FAM228B: variants seen among roughly 807,000 people sequenced by gnomAD.
The protein encoded by FAM228B is protein FAM228B.
FAM228B carries 38 observed loss-of-function variants against 42.6 expected under a neutral mutation model. The observed-to-expected ratio is 0.89, with a 90% CI of 0.69 to 1.17. The LOEUF is 1.17. Ranked by LOEUF, FAM228B falls within the 50% of genes most tolerant of loss-of-function variation. FAM228B has a pLI of 0.00. For synonymous variants in FAM228B, 109 were observed against 122.3 expected, an observed-to-expected ratio of 0.89 and a Z score of 0.72; for missense variants, 344 against 367.3, an observed-to-expected ratio of 0.94 and a Z score of 0.52.
upstream of FAM228B, among the ~76,000 whole-genome samples, chr2:24,122,147 C>T (rs1037647069): frequency 6.6e-6 from 1 of 152,082 alleles, no homozygotes; most frequent in Non-Finnish European, 1.5e-5. Context: ...GCCTGACCAA[C>T]ATGGTAAAAC....
intron 7 of FAM228B, among the ~76,000 whole-genome samples, chr2:24,153,456 T>C (rs1667066602): frequency 6.6e-6 from 1 of 152,172 alleles, no homozygotes; most frequent in Admixed American, 6.5e-5. Context: ...GCAGATTCCC[T>C]TTTGGCCCAG....
rs191041771 is a variant in FAM228B, at chr2:24,145,940, C to T, written c.442-808C>T. ...TCCTGACCTTGTCATCCGCCTGCCT[C>T]GGCCTCCCAAAGTGCTGGGATTACA... On this transcript the variant is annotated intron_variant, in intron 5 of 10. Transcript: ENST00000615575. Among the ~76,000 whole-genome samples, 1,069 of 152,250 alleles carry T rather than the reference C, an allele frequency of 7.0e-3. 8 individuals are homozygous for T. Among genetic ancestry groups the T allele is most frequent in the African/African-American group, 0.025 (1,028 of 41,544 alleles).
intron 2 of FAM228B, among the ~76,000 whole-genome samples, chr2:24,133,154 T>TA (rs1440875696): frequency 2.6e-5 from 4 of 152,268 alleles, no homozygotes; most frequent in Non-Finnish European, 5.9e-5. Context: ...GGCAAGTTAA[T>TA]AAAAAACTGG....
At chr2:24,086,800 T>TA (rs1422702092) in intron 2 of FAM228B, among the ~76,000 whole-genome samples, 4 of 152,174 alleles carry the variant, frequency 2.6e-5, no homozygotes, top group African/African-American at 9.7e-5. Context: ...TGAGGATGTA[T>TA]AAGGATTCAG....
At chr2:24,114,641 G>A (rs1231969122) in intron 3 of FAM228B, among the ~76,000 whole-genome samples, 3 of 152,076 alleles carry the variant, frequency 2.0e-5, no homozygotes, top group South Asian at 2.1e-4. Context: ...TTAAGTAGTC[G>A]AAGGTGGTCT....
intron 7 of FAM228B, among the ~76,000 whole-genome samples, chr2:24,154,158 G>A (rs116638898): frequency 1.3e-5 from 2 of 152,194 alleles, no homozygotes; most frequent in East Asian, 1.9e-4. Context: ...AAGTTAAAAC[G>A]AGGTACTGTG....
At chr2:24,140,958 ACT>A (rs1167393504) in intron 5 of FAM228B, among the ~76,000 whole-genome samples, 2 of 150,728 alleles carry the variant, frequency 1.3e-5, no homozygotes, top group South Asian at 2.1e-4. Flanking sequence ...AGTGAGTGAG[ACT>A]CTGTCTAAAA....
At chr2:24,114,685 G>C (rs546337571) in intron 3 of FAM228B, among the ~76,000 whole-genome samples, 1 of 152,206 alleles carries the variant, frequency 6.6e-6, no homozygotes, top group African/African-American at 2.4e-5. Context: ...ATACCAACCA[G>C]GCTGGCCTGA....
intron 3 of FAM228B, among the ~76,000 whole-genome samples, chr2:24,113,705 C>T (rs1476119881): frequency 6.6e-6 from 1 of 152,242 alleles, no homozygotes; most frequent in African/African-American, 2.4e-5. Context: ...GGCAAAACCC[C>T]GTCTCTACTA....
At chr2:24,092,789 A>G (rs942540068) in intron 2 of FAM228B, among the ~76,000 whole-genome samples, 2 of 152,190 alleles carry the variant, frequency 1.3e-5, no homozygotes, top group African/African-American at 4.8e-5. Context: ...TGTGAATTCT[A>G]TGCATCCACT....
rs80129206 is a variant in FAM228B, at chr2:24,152,349, T to C, written c.686+5263T>C. On this transcript the variant is annotated intron_variant, in intron 7 of 10. Transcript: ENST00000615575. ...GTCCCTAGTGCCTTGTTCAGTTCAT[T>C]TGGTATGTCTATATTTTCCTGGATG... is the stretch of plus-strand genomic sequence containing the variant. Among the ~76,000 whole-genome samples, 1,064 of 152,300 alleles carry C rather than the reference T, an allele frequency of 7.0e-3. 8 individuals are homozygous for C. Among genetic ancestry groups the C allele is most frequent in the African/African-American group, 0.025 (1,025 of 41,556 alleles).
chr2:24,166,403 G>A (rs566880187), intron 9 of FAM228B: 1 of 152,036 alleles, frequency 6.6e-6, no homozygotes, highest in Admixed American at 6.6e-5. Context: ...AAAGGACAGG[G>A]GTGCTACTTT....
At chr2:24,131,827 C>A (rs1358331406) in intron 2 of FAM228B, among the ~76,000 whole-genome samples, 1 of 152,148 alleles carries the variant, frequency 6.6e-6, no homozygotes, top group African/African-American at 2.4e-5. Context: ...TTATTTATTT[C>A]TGTTGCCTGA....
rs761735683 is a variant in FAM228B at position 24,124,384 on chromosome 2, A to T, written c.23A>T (p.Asp8Val). The change falls in exon 2 of 11, where the codon GAT (aspartate) becomes GTT (valine). Residue 8 changes from aspartate (D) to valine (V), a missense_variant. Physicochemically the swap from Asp to Val is radical, Grantham distance 152. Coordinates refer to ENST00000615575, the MANE Select transcript of FAM228B (RefSeq NM_001145710.2). ...ACAATGAAAAATGTAGACAGTGATG[A>T]TCTGGTAACTGGCACACTTCCCAAG... Reference protein sequence around the residue: MKNVDSDDLVTGTLPKLK... With the variant: MKNVDSDVLVTGTLPKLK... The T allele has an allele frequency of 6.6e-5, 102 of 1,550,866 alleles. No individual in the cohort carries two copies. The highest frequency in any genetic ancestry group is 2.3e-5 in the Non-Finnish European group (26 of 1,146,716).
At chr2:24,113,833 C>A (rs1372502819) in intron 3 of FAM228B, among the ~76,000 whole-genome samples, 1 of 152,086 alleles carries the variant, frequency 6.6e-6, no homozygotes, top group Non-Finnish European at 1.5e-5. Context: ...GCCGAGATTG[C>A]ACCATTGCAC....
intron 9 of FAM228B, chr2:24,165,334 G>A (rs1174478252): frequency 8.5e-6 from 4 of 471,014 alleles, no homozygotes; most frequent in Non-Finnish European, 1.8e-5. Context: ...GCCCTACACA[G>A]TATTCTGGGA....
chr2:24,159,389 C>T (rs2151030050), intron 7 of FAM228B, among the ~76,000 whole-genome samples: 1 of 152,224 alleles, frequency 6.6e-6, no homozygotes, highest in Admixed American at 6.5e-5. Context: ...GTGATATGCA[C>T]ATATTATTAA....
chr2:24,138,598 G>A (rs1666663848), intron 4 of FAM228B, among the ~76,000 whole-genome samples: 1 of 151,106 alleles, frequency 6.6e-6, no homozygotes, highest in South Asian at 2.1e-4. Context: ...GCCTCCCAAA[G>A]TGCTGGGATT....
intron 7 of FAM228B, among the ~76,000 whole-genome samples, chr2:24,161,166 C>T (rs1309418819): frequency 2.0e-5 from 3 of 152,142 alleles, no homozygotes; most frequent in Non-Finnish European, 4.4e-5. Context: ...TCTCATACCG[C>T]CAGGCGTGGA....
Sources: gnomAD v4.1 joint callset for allele counts (sites outside exome capture counted in the v4.1 genomes callset) on GRCh38, gnomAD v4.1.1 for gene constraint, MANE v1.5 for transcripts, NCBI Gene and HGNC (gene_info 2026-07-23, HGNC 2026-07-21) for gene names.